TMEM223: variants seen among roughly 807,000 people sequenced by gnomAD.
The protein encoded by TMEM223 is transmembrane protein 223.
Under a neutral mutation model 14.1 loss-of-function variants are expected in TMEM223, and 14 were observed. That is an observed-to-expected ratio of 0.99 (90% CI 0.66 to 1.55). The LOEUF is 1.55. TMEM223 is among the 40% of genes most tolerant of loss of function. The probability of loss-of-function intolerance (pLI) is 0.00; values close to 1 mark genes in which losing one functional copy is unlikely to be tolerated. For synonymous variants in TMEM223, 145 were observed against 120.5 expected (o/e 1.20, Z -1.33); for missense variants, 346 against 269.9 (o/e 1.28, Z -1.97).
intron 1 of TMEM223, among the ~76,000 whole-genome samples, chr11:62,781,550 T>C (rs1383675337): frequency 6.6e-6 from 1 of 151,246 alleles, no homozygotes; most frequent in Non-Finnish European, 1.5e-5. Context: ...GGCAGGCGCC[T>C]GTAGTCCCAG....
At chr11:62,776,277 C>T (rs760788061) in intron 1 of TMEM223, 19 of 1,099,520 alleles carry the variant, frequency 1.7e-5, no homozygotes, top group East Asian at 2.5e-5. Context: ...GATCCCTAAG[C>T]GTGGTCTCCT....
chr11:62,783,519 T>C (rs2084246424), downstream of TMEM223, among the ~76,000 whole-genome samples: 2 of 149,418 alleles, frequency 1.3e-5, no homozygotes, highest in Admixed American at 1.3e-4. Flanking sequence ...ACTGTGATAA[T>C]ATTAAGAGGG....
chr11:62,790,849 G>C lies in TMEM223; in HGVS notation c.383C>G (p.Ala128Gly). 6.2e-7 allele frequency: 1 copy of C among 1,605,052 alleles called. No homozygotes were observed. Among genetic ancestry groups the C allele is most frequent in the Non-Finnish European group, 8.5e-7 (1 of 1,175,804 alleles). ...GGTGAGGGTCACCTGCTGCCCTCCA[G>C]CTCGAAGCACCACTGAGCGCACAGA... Reference protein sequence around the residue: ...LRSVRSVVLRAGGQQVTLTTH... With the variant: ...LRSVRSVVLRGGGQQVTLTTH... Residue 128 changes from alanine (A) to glycine (G), a missense_variant, in exon 2 of 2, where the codon GCT (alanine) becomes GGT (glycine). Ala to Gly is a moderately conservative substitution (Grantham distance 60). Transcript: ENST00000307366.
At chr11:62,777,672 G>A (rs1469499104) in intron 1 of TMEM223, among the ~76,000 whole-genome samples, 1 of 152,186 alleles carries the variant, frequency 6.6e-6, no homozygotes, top group African/African-American at 2.4e-5. Context: ...ATGTTTAGAA[G>A]ACATTAGTGA....
At chr11:62,784,391 G>A (rs1359080830), downstream of TMEM223, among the ~76,000 whole-genome samples, 7 of 147,492 alleles carry the variant, frequency 4.7e-5, no homozygotes, top group Non-Finnish European at 4.5e-5. Context: ...TGCAACCTCC[G>A]CCTCCCGGGT....
chr11:62,778,813 G>A (rs1055568560), intron 1 of TMEM223: 7 of 1,475,930 alleles, frequency 4.7e-6, no homozygotes, highest in Non-Finnish European at 5.7e-6. Flanking sequence ...AGGCTGGAGA[G>A]GCCAGGAGAG....
At chr11:62,777,620 T>C (rs2084196769) in intron 1 of TMEM223, among the ~76,000 whole-genome samples, 1 of 152,118 alleles carries the variant, frequency 6.6e-6, no homozygotes, top group Admixed American at 6.5e-5. Flanking sequence ...TAGGGCCTCA[T>C]GGTGTGGTTT....
chr11:62,783,399 G>A (rs1183675664), downstream of TMEM223, among the ~76,000 whole-genome samples: 1 of 151,718 alleles, frequency 6.6e-6, no homozygotes, highest in Non-Finnish European at 1.5e-5. Flanking sequence ...GGAGAATGGC[G>A]TGAACCCGGG....
At chr11:62,787,609 G>C, downstream of TMEM223, 3 of 1,426,400 alleles carry the variant, frequency 2.1e-6, no homozygotes, top group South Asian at 4.3e-5. Flanking sequence ...TTCCGACCGG[G>C]CTTGCTGCTG....
downstream of TMEM223, chr11:62,787,030 C>T (rs1260035275): frequency 8.6e-6 from 13 of 1,507,108 alleles, no homozygotes; most frequent in South Asian, 1.5e-4. Flanking sequence ...CGGGGCACCC[C>T]GGCAGCAGGG....
At chr11:62,787,442 C>T (rs778212425), downstream of TMEM223, 34 of 1,568,556 alleles carry the variant, frequency 2.2e-5, no homozygotes, top group Non-Finnish European at 2.5e-5. Flanking sequence ...ATGGCGCTGT[C>T]CTGGCTGCAG....
chr11:62,783,785 G>A (rs191232665), downstream of TMEM223, among the ~76,000 whole-genome samples: 144 of 151,654 alleles, frequency 9.5e-4, 2 homozygotes, highest in Middle Eastern at 3.4e-3. Context: ...TGCCTGCCTC[G>A]GCTTCCCATA....
chr11:62,785,266 ACTGCAACCT>A (rs2084261918), downstream of TMEM223, among the ~76,000 whole-genome samples: 8 of 150,696 alleles, frequency 5.3e-5, no homozygotes, highest in South Asian at 1.7e-3. Flanking sequence ...ACCTCGGCTC[ACTGCAACCT>A]CTGCCTCCTG....
downstream of TMEM223, chr11:62,789,013 C>T: frequency 1.2e-6 from 2 of 1,604,232 alleles, no homozygotes; most frequent in South Asian, 2.2e-5. Flanking sequence ...TCAGCAGCTT[C>T]TCTCCACAGG....
intron 1 of TMEM223, 141 bp downstream of exon 1, chr11:62,791,538 C>T (rs998787181): frequency 3.5e-6 from 4 of 1,127,810 alleles, no homozygotes; most frequent in Admixed American, 5.8e-5. Context: ...CCGCCGCGCC[C>T]GGCCAGTGTT....
At chr11:62,783,684 G>A (rs1003410153), downstream of TMEM223, among the ~76,000 whole-genome samples, 5 of 151,460 alleles carry the variant, frequency 3.3e-5, no homozygotes, top group African/African-American at 7.3e-5. Flanking sequence ...ACAGGCACGT[G>A]CCACCATGCC....
chr11:62,779,952 C>CCATATATATATATA (rs1332185092), intron 1 of TMEM223, among the ~76,000 whole-genome samples: 1 of 100,064 alleles, frequency 1.0e-5, no homozygotes, highest in African/African-American at 4.5e-5. Context: ...AGGCGTGAGC[C>CCATATATATATATA]TATATATATA....
chr11:62,780,732 C>G (rs1393954965), intron 1 of TMEM223, among the ~76,000 whole-genome samples: 1 of 150,982 alleles, frequency 6.6e-6, no homozygotes. Context: ...GAGTTCGAGA[C>G]CAGCCTGGCC....
downstream of TMEM223, among the ~76,000 whole-genome samples, chr11:62,788,431 C>T (rs1306592365): frequency 7.2e-6 from 1 of 138,598 alleles, no homozygotes; most frequent in Non-Finnish European, 1.6e-5. Context: ...CTGGCCGGGC[C>T]TGGTGGCTCA....
Sources: gnomAD v4.1 joint callset for allele counts (sites outside exome capture counted in the v4.1 genomes callset) on GRCh38, gnomAD v4.1.1 for gene constraint, MANE v1.5 for transcripts, NCBI Gene and HGNC (gene_info 2026-07-23, HGNC 2026-07-21) for gene names.